PFKFB3: variants seen among roughly 807,000 people sequenced by gnomAD.
The protein encoded by PFKFB3 is 6-phosphofructo-2-kinase/fructose-2,6-biphosphatase 3.
In PFKFB3, 33 loss-of-function variants were observed where a neutral mutation model predicts 68.0. The ratio of observed to expected loss-of-function variants is 0.49; its 90% CI spans 0.37 to 0.65. The LOEUF (loss-of-function observed/expected upper bound fraction) is 0.65, where lower values mean the gene tolerates loss of function less well. Ranked by LOEUF, PFKFB3 falls within the 30% of genes least tolerant of loss-of-function variation. The probability of loss-of-function intolerance (pLI) is 0.00; values close to 1 mark genes in which losing one functional copy is unlikely to be tolerated. For synonymous variants in PFKFB3, 315 were observed against 288.2 expected, an observed-to-expected ratio of 1.09 and a Z score of -0.94; for missense variants, 586 against 712.2, an observed-to-expected ratio of 0.82 and a Z score of 2.02.
the PFKFB3 span, among the ~76,000 whole-genome samples, chr10:6,325,953 C>T: frequency 1.3e-5 from 2 of 152,160 alleles, no homozygotes; most frequent in Admixed American, 1.3e-4. Context: ...TCCTGGGGTG[C>T]ACTGCTCAGA....
chr10:6,211,141 C>T (rs1162600235), intron 1 of PFKFB3, among the ~76,000 whole-genome samples: 3 of 152,210 alleles, frequency 2.0e-5, no homozygotes, highest in Admixed American at 1.3e-4. Context: ...CAAGAAGGGA[C>T]TGGCAGTTTA....
chr10:6,291,698 T>A, the PFKFB3 span, among the ~76,000 whole-genome samples: 1 of 152,212 alleles, frequency 6.6e-6, no homozygotes, highest in South Asian at 2.1e-4. Flanking sequence ...AGCTATGCTA[T>A]GCTATAGCTC....
the PFKFB3 span, among the ~76,000 whole-genome samples, chr10:6,263,255 A>T: frequency 6.6e-6 from 1 of 152,272 alleles, no homozygotes; most frequent in Non-Finnish European, 1.5e-5. Flanking sequence ...CAGCAGGAGC[A>T]TGTCCTTAAG....
At chr10:6,251,871 G>T (rs1374380189) in intron 14 of PFKFB3, among the ~76,000 whole-genome samples, 1 of 152,186 alleles carries the variant, frequency 6.6e-6, no homozygotes, top group Non-Finnish European at 1.5e-5. Context: ...AGGAGGCTGA[G>T]CCAGGAGAAT....
At chr10:6,247,688 C>T (rs1417332950) in intron 14 of PFKFB3, among the ~76,000 whole-genome samples, 1 of 152,186 alleles carries the variant, frequency 6.6e-6, no homozygotes, top group African/African-American at 2.4e-5. Flanking sequence ...CATTCCACTT[C>T]CGTGATGGAG....
chr10:6,257,518 C>T (rs1023698305), downstream of PFKFB3, among the ~76,000 whole-genome samples: 2 of 152,064 alleles, frequency 1.3e-5, no homozygotes, highest in African/African-American at 4.8e-5. Context: ...TAAGAGTGGC[C>T]AGGATGGAGG....
At position 6,229,687 on chromosome 10, in the gene PFKFB3, T is replaced by C. The variant is rs1845606136; in HGVS notation, c.1516-3208T>C. Among the ~76,000 whole-genome samples the C allele has an allele frequency of 1.3e-5, 2 of 152,216 alleles. No homozygotes were observed. Among genetic ancestry groups the C allele is most frequent in the African/African-American group, 4.8e-5 (2 of 41,448 alleles). On this transcript the variant is annotated intron_variant, in intron 14 of 14. Transcript: ENST00000379775. The surrounding 1 kb of genome is among the most constrained non-coding windows in gnomAD (Gnocchi z 4.3). ...CTGGGCTTCTCCTTGTGTGAAACTT[T>C]TTGGACTTGGAGCCTGAAGGTTTTA... is the stretch of plus-strand genomic sequence containing the variant.
chr10:6,302,323 G>A, the PFKFB3 span, among the ~76,000 whole-genome samples: 1 of 145,558 alleles, frequency 6.9e-6, no homozygotes, highest in East Asian at 2.0e-4. Context: ...CCAAAGTGCT[G>A]GGATTACAGA....
At position 6,226,274 on chromosome 10, in the gene PFKFB3, G is replaced by A. The variant is rs1181993524; in HGVS notation, c.1424G>A (p.Arg475His). Residue 475 changes from arginine (R) to histidine (H), a missense_variant, in exon 14 of 15, where the codon CGC becomes CAC. Physicochemically the swap from Arg to His is conservative, Grantham distance 29. Transcript: ENST00000379775. ...LASPEPTKKP[R>H]INSFEEHVAS... is the part of the protein sequence containing the mutation. The stretch of plus-strand genomic sequence containing the variant: ...AGCCCCGAACCCACCAAAAAGCCTC[G>A]CATCAACAGCTTTGAGGAGCATGTG... 4.3e-6 allele frequency: 7 copies of A among 1,614,074 alleles called. No homozygotes were observed. Among genetic ancestry groups the A allele is most frequent in the South Asian group, 1.1e-5 (1 of 91,090 alleles).
At chr10:6,287,982 A>AT in the PFKFB3 span, among the ~76,000 whole-genome samples, 1 of 151,970 alleles carries the variant, frequency 6.6e-6, no homozygotes, top group African/African-American at 2.4e-5. Context: ...TTTCCTCAGT[A>AT]TTTTTCTGGG....
chr10:6,159,738 A>ACAT (rs1841918004), intron 1 of PFKFB3, among the ~76,000 whole-genome samples: 1 of 151,658 alleles, frequency 6.6e-6, no homozygotes, highest in African/African-American at 2.4e-5. Context: ...AAAACCAAAA[A>ACAT]CATCAAAATC....
intron 1 of PFKFB3, among the ~76,000 whole-genome samples, chr10:6,179,624 A>G (rs866139290): frequency 1.3e-5 from 2 of 152,166 alleles, no homozygotes; most frequent in South Asian, 2.1e-4. Flanking sequence ...GGAGGACTGC[A>G]GGCAAGAGGG....
intron 1 of PFKFB3, among the ~76,000 whole-genome samples, chr10:6,206,799 C>G (rs1420010287): frequency 8.8e-5 from 7 of 79,798 alleles, no homozygotes; most frequent in East Asian, 3.9e-4. Flanking sequence ...ACATCCCAGA[C>G]GATGGGCGGC....
chr10:6,169,523 G>A (rs1323631866), intron 1 of PFKFB3, among the ~76,000 whole-genome samples: 3 of 152,126 alleles, frequency 2.0e-5, no homozygotes, highest in Non-Finnish European at 4.4e-5. Flanking sequence ...GTGATCTTGG[G>A]CCATTGTGTC....
chr10:6,275,494 G>A, the PFKFB3 span, among the ~76,000 whole-genome samples: 2 of 152,230 alleles, frequency 1.3e-5, no homozygotes, highest in South Asian at 2.1e-4. This position sits in a 1 kb window ranked among gnomAD's most constrained non-coding sequence, Gnocchi z 4.9. Context: ...GTGACTCACC[G>A]CCATCACCCA....
chr10:6,231,457 T>C, intron 14 of PFKFB3: 1 of 1,479,758 alleles, frequency 6.8e-7, no homozygotes, highest in Non-Finnish European at 9.0e-7. Flanking sequence ...GTGAGGTCCT[T>C]TCTAGTCTGT....
the PFKFB3 span, among the ~76,000 whole-genome samples, chr10:6,317,245 A>G: frequency 6.6e-6 from 1 of 152,216 alleles, no homozygotes; most frequent in Non-Finnish European, 1.5e-5. Context: ...TCTGGGCAGG[A>G]CAACCATGAG....
intron 1 of PFKFB3, among the ~76,000 whole-genome samples, chr10:6,150,112 C>T (rs1412310082): frequency 6.6e-6 from 1 of 152,180 alleles, no homozygotes; most frequent in Admixed American, 6.5e-5. Context: ...ATTCTATGCA[C>T]ATAGCACCTC....
chr10:6,317,554 T>A, the PFKFB3 span, among the ~76,000 whole-genome samples: 1 of 152,090 alleles, frequency 6.6e-6, no homozygotes, highest in South Asian at 2.1e-4. Context: ...AGAGTATGCA[T>A]TTGTAGAGAG....
Sources: allele counts gnomAD v4.1 joint callset (sites outside exome capture counted in the v4.1 genomes callset), GRCh38; gene constraint gnomAD v4.1.1; non-coding constraint Gnocchi (gnomAD v3.1); transcripts MANE v1.5; gene names NCBI Gene and HGNC (gene_info 2026-07-23, HGNC 2026-07-21).